TRPC7: variants seen among roughly 807,000 people sequenced by gnomAD.
TRPC7 encodes short transient receptor potential channel 7.
A neutral mutation model predicts 90.1 loss-of-function variants in TRPC7; 42 were observed. That is an observed-to-expected ratio of 0.47 (90% CI 0.36 to 0.60). The LOEUF (loss-of-function observed/expected upper bound fraction) is 0.60, where lower values mean the gene tolerates loss of function less well. Among genes scored for constraint, TRPC7 ranks in the 20% least tolerant of loss-of-function variants. The probability of loss-of-function intolerance (pLI) is 0.00; values close to 1 mark genes in which losing one functional copy is unlikely to be tolerated. For missense variants in TRPC7, 955 were observed against 1,112.3 expected (o/e 0.86, Z 2.01); for synonymous variants, 451 against 436.3 (o/e 1.03, Z -0.42).
chr5:136,317,996 G>A (rs1331650359), intron 2 of TRPC7, among the ~76,000 whole-genome samples: 2 of 152,168 alleles, frequency 1.3e-5, no homozygotes, highest in African/African-American at 4.8e-5. Flanking sequence ...AGCCAAAGCA[G>A]GTAATTTGCA....
chr5:136,259,447 C>G (rs1756785000), intron 5 of TRPC7, among the ~76,000 whole-genome samples: 1 of 152,228 alleles, frequency 6.6e-6, no homozygotes, highest in South Asian at 2.1e-4. Context: ...CTCCCAAGCT[C>G]TTCTCCTATT....
At chr5:136,285,272 A>AT (rs1460131284) in intron 3 of TRPC7, among the ~76,000 whole-genome samples, 4 of 152,004 alleles carry the variant, frequency 2.6e-5, no homozygotes, top group Non-Finnish European at 4.4e-5. Flanking sequence ...CATAGTGTGG[A>AT]TTTTTTTTGT....
chr5:136,347,062 A>G (rs1760029949), intron 2 of TRPC7, among the ~76,000 whole-genome samples: 1 of 152,162 alleles, frequency 6.6e-6, no homozygotes, highest in Admixed American at 6.5e-5. Context: ...TGCGTTGACA[A>G]GTCAAGGTTT....
intron 2 of TRPC7, among the ~76,000 whole-genome samples, chr5:136,339,970 AAAT>A (rs2149851595): frequency 6.6e-6 from 1 of 152,260 alleles, no homozygotes; most frequent in Non-Finnish European, 1.5e-5. Flanking sequence ...TGCATTAAAA[AAAT>A]AACCTTTGAG....
chr5:136,361,576 T>C (rs772065217), intron 1 of TRPC7, among the ~76,000 whole-genome samples: 3 of 152,212 alleles, frequency 2.0e-5, no homozygotes, highest in Non-Finnish European at 4.4e-5. Context: ...TTGTGGTTAA[T>C]TACTGAAGAA....
At position 136,365,425 on chromosome 5, in the gene TRPC7, T is replaced by A; in HGVS notation, c.-171A>T. On this transcript the variant is annotated 5_prime_UTR_variant, in exon 1 of 12. Coordinates refer to ENST00000513104, the MANE Select transcript of TRPC7 (RefSeq NM_020389.3). ...TTGCAACGATGTGAAAGCGCGCTCC[T>A]CTGTTCTTTGTGTTGCAGTGGTAAA... The A allele has an allele frequency of 1.5e-6, 1 of 679,106 alleles. No individual in the cohort carries two copies. Among genetic ancestry groups the A allele is most frequent in the Non-Finnish European group, 2.6e-6 (1 of 391,698 alleles). 42.1% of individuals were successfully genotyped at this position (679,106 alleles called of 1,614,324 possible). A position where few individuals can be genotyped will look rare whatever the true frequency, so the allele number is the denominator to read the frequency against.
rs115048783 is a variant in TRPC7 at position 136,286,167 on chromosome 5, G to A, written c.964-11330C>T. ...CAAGTCATCTCTTTGATTCCACAGC[G>A]TACCCCCACAAGTAGGAACTCTCAC... On this transcript the variant is annotated intron_variant, in intron 3 of 11. Coordinates refer to ENST00000513104, the MANE Select transcript of TRPC7 (RefSeq NM_020389.3). Among the ~76,000 whole-genome samples, 324 of 152,172 alleles carry A rather than the reference G, an allele frequency of 2.1e-3. 1 individual carries two copies. The highest frequency in any genetic ancestry group is 7.2e-3 in the African/African-American group (298 of 41,510).
At position 136,265,356 on chromosome 5, in the gene TRPC7, C is replaced by A. The variant is rs183381687; in HGVS notation, c.1345+864G>T. Among the ~76,000 whole-genome samples the A allele has an allele frequency of 3.5e-4, 53 of 152,192 alleles. 1 individual carries two copies. The East Asian group carries it at 9.4e-3, about 27-fold the overall frequency. Reference sequence around the variant, plus strand: ...TTTCTTGTTTTACTGAAAATATTCCCATCAAATTGACATATTTTTGATGTA... The same window carrying A: ...TTTCTTGTTTTACTGAAAATATTCCAATCAAATTGACATATTTTTGATGTA... On this transcript the variant is annotated intron_variant, in intron 5 of 11. Coordinates refer to ENST00000513104, the MANE Select transcript of TRPC7 (RefSeq NM_020389.3).
At chr5:136,279,891 C>T (rs965367454) in intron 3 of TRPC7, among the ~76,000 whole-genome samples, 15 of 152,132 alleles carry the variant, frequency 9.9e-5, no homozygotes, top group African/African-American at 3.6e-4. Flanking sequence ...CAGCAGCCTT[C>T]AAGACCCAAC....
intron 3 of TRPC7, among the ~76,000 whole-genome samples, chr5:136,290,475 T>C (rs888304747): frequency 1.1e-4 from 17 of 152,158 alleles, no homozygotes; most frequent in Non-Finnish European, 2.4e-4. Context: ...AACCACGGCA[T>C]GAGAACTATG....
intron 3 of TRPC7, among the ~76,000 whole-genome samples, chr5:136,289,652 G>T (rs1030811310): frequency 1.3e-5 from 2 of 152,224 alleles, no homozygotes. Flanking sequence ...CGGGAAGCTC[G>T]AACTGGGTGG....
At chr5:136,217,072 T>A (rs751880346) in intron 10 of TRPC7, among the ~76,000 whole-genome samples, 1 of 152,144 alleles carries the variant, frequency 6.6e-6, no homozygotes, top group Non-Finnish European at 1.5e-5. Flanking sequence ...TGGTCCAGGG[T>A]TCCTGCGAAA....
chr5:136,353,666 C>A (rs980530714), intron 2 of TRPC7, among the ~76,000 whole-genome samples: 2 of 152,084 alleles, frequency 1.3e-5, no homozygotes, highest in Non-Finnish European at 2.9e-5. Context: ...TCTAAAGGAA[C>A]AGTTATGTTA....
Position 136,365,407 on chromosome 5 carries a change from G to T in TRPC7, c.-153C>A. The T allele has an allele frequency of 1.3e-6, 1 of 765,174 alleles. No homozygotes were observed. The highest frequency in any genetic ancestry group is 2.2e-6 in the Non-Finnish European group (1 of 462,162). The allele number at this position is 765,174 out of a possible 1,614,324, so 47.4% of individuals were successfully genotyped here. On this transcript the variant is annotated 5_prime_UTR_variant, in exon 1 of 12. Transcript: ENST00000513104. Reference sequence around the variant, plus strand: ...CTGGTCAAGTGAGTTAAGTTGCAACGATGTGAAAGCGCGCTCCTCTGTTCT... The same window carrying T: ...CTGGTCAAGTGAGTTAAGTTGCAACTATGTGAAAGCGCGCTCCTCTGTTCT...
At position 136,213,415 on chromosome 5, in the gene TRPC7, A is replaced by T. The variant is rs1429682623; in HGVS notation, c.*20T>A. 6.2e-7 allele frequency: 1 copy of T among 1,611,814 alleles called. No homozygotes were observed. The highest frequency in any genetic ancestry group is 1.1e-5 in the South Asian group (1 of 90,632). ...TGGCCTTGGAATGCTGGTAGAAGTCACAGACGCCGATGTGGGCTGCTAAAT... is the reference window on the plus strand; with the variant it reads ...TGGCCTTGGAATGCTGGTAGAAGTCTCAGACGCCGATGTGGGCTGCTAAAT... On this transcript the variant is annotated 3_prime_UTR_variant, in exon 12 of 12. Transcript: ENST00000513104.
At chr5:136,312,972 CTTT>C (rs34840823) in intron 3 of TRPC7, among the ~76,000 whole-genome samples, 18,995 of 96,740 alleles carry the variant, frequency 0.2, 2,003 homozygotes, top group African/African-American at 0.39. Flanking sequence ...AGTAGTGATT[CTTT>C]TTTTTTTTTT....
At position 136,245,357 on chromosome 5, in the gene TRPC7, C is replaced by A. The variant is rs189315461; in HGVS notation, c.1844+2114G>T. Among the ~76,000 whole-genome samples the A allele has an allele frequency of 3.2e-4, 48 of 152,330 alleles. 1 individual carries two copies. The highest frequency in any genetic ancestry group is 2.9e-5 in the Non-Finnish European group (2 of 68,034). On this transcript the variant is annotated intron_variant, in intron 7 of 11. Transcript: ENST00000513104. The stretch of plus-strand genomic sequence containing the variant: ...GTGGTTCAGCAGCACCAGAGTCCCA[C>A]TCTTTTAGGTAGTTTCAGCTGGGTG...
intron 10 of TRPC7, among the ~76,000 whole-genome samples, chr5:136,224,099 T>C (rs576558937): frequency 1.3e-5 from 2 of 152,310 alleles, no homozygotes; most frequent in African/African-American, 4.8e-5. Context: ...AAGATCTAAG[T>C]CTGTAATTCT....
rs73791940 is a variant in TRPC7, at chr5:136,239,813, A to C, written c.1844+7658T>G. The stretch of plus-strand genomic sequence containing the variant: ...TTCCTGTCTTTCAGAACATTTTCTC[A>C]ATTTGTAAACATGCCCTCATTCCTG... On this transcript the variant is annotated intron_variant, in intron 7 of 11. Transcript: ENST00000513104. Among the ~76,000 whole-genome samples the C allele has an allele frequency of 7.0e-4, 106 of 152,322 alleles. 1 individual carries two copies. The highest frequency in any genetic ancestry group is 2.5e-3 in the African/African-American group (105 of 41,576).
Sources: allele counts gnomAD v4.1 joint callset (sites outside exome capture counted in the v4.1 genomes callset), GRCh38; gene constraint gnomAD v4.1.1; transcripts MANE v1.5; gene names NCBI Gene and HGNC (gene_info 2026-07-23, HGNC 2026-07-21).